DCC: variants seen among roughly 807,000 people sequenced by gnomAD.
The protein encoded by DCC is DCC netrin 1 receptor.
Under a neutral mutation model 172.5 loss-of-function variants are expected in DCC, and 58 were observed. That is an observed-to-expected ratio of 0.34 (90% CI 0.27 to 0.42). The LOEUF is 0.42. Ranked by LOEUF, DCC falls within the 10% of genes least tolerant of loss-of-function variation. The pLI, the probability that DCC is intolerant of heterozygous loss-of-function variation, is 1.00. For missense variants in DCC, 1,740 were observed against 1,791.0 expected (o/e 0.97, Z 0.51); for synonymous variants, 709 against 644.5 (o/e 1.10, Z -1.52).
chr18:53,395,536 A>G (rs1398367620), intron 17 of DCC, among the ~76,000 whole-genome samples: 1 of 152,256 alleles, frequency 6.6e-6, no homozygotes, highest in Non-Finnish European at 1.5e-5. Flanking sequence ...ATATATCTGC[A>G]TGTCAGATAC....
chr18:53,061,372 G>A (rs960196266), intron 5 of DCC, among the ~76,000 whole-genome samples: 5 of 151,672 alleles, frequency 3.3e-5, no homozygotes, highest in African/African-American at 1.2e-4. Context: ...ATACGTAAAC[G>A]TATATATTTA....
intron 1 of DCC, among the ~76,000 whole-genome samples, chr18:52,726,244 G>T (rs1158241880): frequency 6.6e-6 from 1 of 152,166 alleles, no homozygotes; most frequent in Non-Finnish European, 1.5e-5. Flanking sequence ...GCAGAGATCA[G>T]GTTCAAATCT....
chr18:53,282,507 C>A (rs1348749820), intron 12 of DCC, among the ~76,000 whole-genome samples: 1 of 152,142 alleles, frequency 6.6e-6, no homozygotes, highest in East Asian at 1.9e-4. Flanking sequence ...CCAATCACAA[C>A]TTTGCCTTAA....
At chr18:53,258,224 T>C (rs1214464184) in intron 12 of DCC, among the ~76,000 whole-genome samples, 1 of 152,202 alleles carries the variant, frequency 6.6e-6, no homozygotes, top group Non-Finnish European at 1.5e-5. Context: ...AGTTCTGCTC[T>C]GATCTTAGTT....
chr18:53,086,248 C>CTT (rs1386283908), intron 7 of DCC, among the ~76,000 whole-genome samples: 1 of 48,864 alleles, frequency 2.0e-5, no homozygotes, highest in African/African-American at 2.6e-4. Context: ...TCTTCTTCTT[C>CTT]CTTTCTTCTT....
At chr18:53,400,454 T>G (rs1197613410) in intron 18 of DCC, among the ~76,000 whole-genome samples, 1 of 152,130 alleles carries the variant, frequency 6.6e-6, no homozygotes, top group Non-Finnish European at 1.5e-5. Context: ...TTTATTTATT[T>G]ATATTTAATC....
chr18:53,318,644 G>C (rs920734599), intron 13 of DCC, among the ~76,000 whole-genome samples: 8 of 151,990 alleles, frequency 5.3e-5, no homozygotes, highest in African/African-American at 1.9e-4. Context: ...CTAAGAACTT[G>C]CTTTATGAAT....
At chr18:52,589,340 T>C (rs937892758) in intron 1 of DCC, among the ~76,000 whole-genome samples, 2 of 152,226 alleles carry the variant, frequency 1.3e-5, no homozygotes, top group Non-Finnish European at 2.9e-5. Context: ...CAGAAACTTA[T>C]TTCTACTTTT....
At chr18:52,486,939 G>C (rs1363555431) in intron 1 of DCC, among the ~76,000 whole-genome samples, 2 of 151,996 alleles carry the variant, frequency 1.3e-5, no homozygotes, top group African/African-American at 4.8e-5. Flanking sequence ...TTCTCTGTAG[G>C]GAACAAGAAA....
At chr18:53,518,779 G>A (rs2046367566) in intron 27 of DCC, among the ~76,000 whole-genome samples, 1 of 152,106 alleles carries the variant, frequency 6.6e-6, no homozygotes, top group Admixed American at 6.5e-5. Context: ...CATGCACCCT[G>A]GATAGGGGAA....
intron 1 of DCC, among the ~76,000 whole-genome samples, chr18:52,632,225 A>C (rs902624351): frequency 6.6e-6 from 1 of 152,158 alleles, no homozygotes; most frequent in Non-Finnish European, 1.5e-5. Flanking sequence ...AATGAAGTAT[A>C]ATAATGAATA....
rs71175533 is a variant in DCC at position 52,879,412 on chromosome 18, C to CTTTTTTTTTTTTTTTTTTTTTTTTT, written c.413-26627_413-26603dup. 1.5e-3 allele frequency among the ~76,000 whole-genome samples: 94 copies of CTTTTTTTTTTTTTTTTTTTTTTTTT among 62,320 alleles called. 22 individuals are homozygous for CTTTTTTTTTTTTTTTTTTTTTTTTT. The highest frequency in any genetic ancestry group is 0.011 in the Middle Eastern group (1 of 90). The allele number at this position is 62,320 out of a possible 152,430, so 40.9% of individuals were successfully genotyped here. A position where few individuals can be genotyped will look rare whatever the true frequency, so the allele number is the denominator to read the frequency against. On this transcript the variant is annotated intron_variant, in intron 2 of 28. Coordinates refer to ENST00000442544, the MANE Select transcript of DCC (RefSeq NM_005215.4). The stretch of plus-strand genomic sequence containing the variant: ...AATTTCTAGCCCATATGTTGTTTGG[C>CTTTTTTTTTTTTTTTTTTTTTTTTT]TTTTTTTTTTTTTTTTTTTTTTTTT...
intron 9 of DCC, among the ~76,000 whole-genome samples, chr18:53,192,804 C>A (rs2055385024): frequency 6.6e-6 from 1 of 152,160 alleles, no homozygotes. Context: ...TGGTGGCAAA[C>A]CTGTGAATTC....
intron 2 of DCC, among the ~76,000 whole-genome samples, chr18:52,874,186 A>G (rs2039366287): frequency 6.6e-6 from 1 of 152,220 alleles, no homozygotes; most frequent in Non-Finnish European, 1.5e-5. Context: ...GGAGGTAAAT[A>G]CACTCCTGTA....
rs538336994 is a variant in DCC at position 52,474,599 on chromosome 18, G to T, written c.91+133721G>T. Among the ~76,000 whole-genome samples, 30 of 152,320 alleles carry T rather than the reference G, an allele frequency of 2.0e-4. No individual in the cohort carries two copies. In the South Asian group the frequency reaches 6.0e-3, roughly 31 times the overall value. The stretch of plus-strand genomic sequence containing the variant: ...ACTCACTGAGGTTGTGACTTCATCT[G>T]TCCCTGCAACTGCAGGAGGCCACAG... On this transcript the variant is annotated intron_variant, in intron 1 of 28. Coordinates refer to ENST00000442544, the MANE Select transcript of DCC (RefSeq NM_005215.4).
intron 26 of DCC, among the ~76,000 whole-genome samples, chr18:53,491,257 C>T (rs1910129): frequency 0.051 from 7,717 of 152,038 alleles, 666 homozygotes; most frequent in African/African-American, 0.17. Context: ...AATTCAGTGG[C>T]GTAATCAGAA....
At chr18:52,787,548 G>A (rs1413858093) in intron 2 of DCC, among the ~76,000 whole-genome samples, 1 of 151,830 alleles carries the variant, frequency 6.6e-6, no homozygotes, top group African/African-American at 2.4e-5. Context: ...ACATATCTTA[G>A]TATTATTCAC....
chr18:52,355,296 G>A (rs1984310966), intron 1 of DCC, among the ~76,000 whole-genome samples: 1 of 152,118 alleles, frequency 6.6e-6, no homozygotes, highest in East Asian at 1.9e-4. Context: ...GCAGGTGTTT[G>A]AGAAGACCCT....
chr18:53,351,405 A>ATATATATATACACTG (rs1555656859), intron 15 of DCC, among the ~76,000 whole-genome samples: 1 of 12,000 alleles, frequency 8.3e-5, no homozygotes, highest in Non-Finnish European at 1.9e-4. Context: ...TACAGTGTAT[A>ATATATATATACACTG]TATATATATA....
Sources: allele counts gnomAD v4.1 joint callset (sites outside exome capture counted in the v4.1 genomes callset), GRCh38; gene constraint gnomAD v4.1.1; transcripts MANE v1.5; gene names NCBI Gene and HGNC (gene_info 2026-07-23, HGNC 2026-07-21).